NCOR2: variants seen among roughly 807,000 people sequenced by gnomAD.
NCOR2 encodes the protein nuclear receptor corepressor 2, also known as CTG repeat protein 26.
Under a neutral mutation model 262.9 loss-of-function variants are expected in NCOR2, and 81 were observed. That is an observed-to-expected ratio of 0.31 (90% CI 0.26 to 0.37). The LOEUF (loss-of-function observed/expected upper bound fraction) is 0.37, where lower values mean the gene tolerates loss of function less well. Ranked by LOEUF, NCOR2 falls within the 10% of genes least tolerant of loss-of-function variation. NCOR2 has a pLI of 1.00. For synonymous variants in NCOR2, 1,659 were observed against 1,559.3 expected (o/e 1.06, Z -1.51); for missense variants, 3,385 against 3,621.4 (o/e 0.93, Z 1.68).
chr12:124,350,549 TC>T lies in NCOR2; in HGVS notation c.3844+37del, dbSNP rs2037364012. 2.5e-6 allele frequency: 4 copies of T among 1,596,576 alleles called. No individual in the cohort carries two copies. In the East Asian group the frequency reaches 9.0e-5, roughly 36 times the overall value. On this transcript the variant is annotated intron_variant, in intron 28 of 46. Transcript: ENST00000405201. ...TACCTCAGTGGGCCAAGCACACTCC[TC>T]CCCTGGTCCTGGGCCTCCTCTCCTC... is the stretch of plus-strand genomic sequence containing the variant.
At chr12:124,448,060 A>G (rs2045292581) in intron 7 of NCOR2, among the ~76,000 whole-genome samples, 1 of 152,216 alleles carries the variant, frequency 6.6e-6, no homozygotes. Flanking sequence ...AATCTTGATG[A>G]GGGATGAGGC....
At chr12:124,558,665 T>TG (rs2051965735) in intron 1 of NCOR2, among the ~76,000 whole-genome samples, 1 of 152,146 alleles carries the variant, frequency 6.6e-6, no homozygotes, top group Non-Finnish European at 1.5e-5. Context: ...GAGGTCCCTT[T>TG]GGGACATCCC....
chr12:124,334,512 G>A (rs772193263), exon 41 of NCOR2: 1 of 1,441,742 alleles, frequency 6.9e-7, no homozygotes. Flanking sequence ...GGGCGGCGGA[G>A]GTCCAGGACG....
intron 1 of NCOR2, among the ~76,000 whole-genome samples, chr12:124,550,296 G>A (rs2051675458): frequency 6.6e-6 from 1 of 152,206 alleles, no homozygotes; most frequent in Admixed American, 6.5e-5. Flanking sequence ...AGGTCACAGG[G>A]CTCAGAGAGG....
At chr12:124,359,573 C>A (rs2038347475) in intron 22 of NCOR2, among the ~76,000 whole-genome samples, 1 of 152,226 alleles carries the variant, frequency 6.6e-6, no homozygotes, top group Non-Finnish European at 1.5e-5. Flanking sequence ...ACAGGGCCTG[C>A]CTCACATCTG....
chr12:124,390,733 G>A (rs11057609), intron 16 of NCOR2, among the ~76,000 whole-genome samples: 15,678 of 152,272 alleles, frequency 0.1, 965 homozygotes, highest in South Asian at 0.15. Context: ...CCAGGCACAC[G>A]CCCCCAACAC....
At chr12:124,428,777 T>C (rs2043740456) in intron 10 of NCOR2, among the ~76,000 whole-genome samples, 2 of 152,224 alleles carry the variant, frequency 1.3e-5, no homozygotes, top group Non-Finnish European at 2.9e-5. Flanking sequence ...GTGGCTCTGC[T>C]GTGCTGAGCT....
chr12:124,353,127 G>A (rs1010876216), intron 27 of NCOR2, among the ~76,000 whole-genome samples: 3 of 152,200 alleles, frequency 2.0e-5, no homozygotes, highest in Non-Finnish European at 4.4e-5. Flanking sequence ...TGGGAGGTTC[G>A]AGGAAGGGCG....
chr12:124,335,374 A>C (rs2035789601), intron 39 of NCOR2, 94 bp from the exon 42 acceptor site: 1 of 1,504,608 alleles, frequency 6.6e-7, no homozygotes, highest in Non-Finnish European at 8.9e-7. Flanking sequence ...CTCATGATCC[A>C]GCCAATTCCT....
intron 1 of NCOR2, among the ~76,000 whole-genome samples, chr12:124,488,827 C>T (rs565807488): frequency 7.2e-5 from 11 of 152,310 alleles, no homozygotes; most frequent in Admixed American, 1.3e-4. Context: ...AAGAGGGCCT[C>T]GGCCCGATAG....
exon 24 of NCOR2, chr12:124,355,513 G>C: frequency 6.2e-7 from 1 of 1,607,352 alleles, no homozygotes; most frequent in South Asian, 1.1e-5. Flanking sequence ...TGGAGATGGT[G>C]GGTGGGCGCG....
intron 1 of NCOR2, among the ~76,000 whole-genome samples, chr12:124,492,767 C>A (rs1048574579): frequency 2.0e-5 from 3 of 152,134 alleles, no homozygotes; most frequent in Non-Finnish European, 2.9e-5. Context: ...CTCCAGATCA[C>A]AGCCCCCAGC....
chr12:124,370,848 C>T (rs2039440402), intron 20 of NCOR2, among the ~76,000 whole-genome samples: 1 of 152,128 alleles, frequency 6.6e-6, no homozygotes, highest in South Asian at 2.1e-4. Context: ...TCCTCCAGGC[C>T]ACCCCAGCTG....
intron 16 of NCOR2, among the ~76,000 whole-genome samples, chr12:124,386,636 G>C (rs1227839503): frequency 6.6e-6 from 1 of 152,262 alleles, no homozygotes; most frequent in African/African-American, 2.4e-5. Flanking sequence ...TCCAGGAATC[G>C]GCAGAAAAAG....
upstream of NCOR2, among the ~76,000 whole-genome samples, chr12:124,499,878 T>A (rs1237934588): frequency 6.6e-6 from 1 of 151,688 alleles, no homozygotes; most frequent in Non-Finnish European, 1.5e-5. Context: ...CCTGCAAATG[T>A]CCAAGAGAGG....
rs885026 is a variant in NCOR2 at position 124,548,243 on chromosome 12, C to A, written c.-164-12632G>T. ...GGAACAGCATTCCAGGTGGGGGGAA[C>A]AACAAACGCGAAGGCCCAGAGGCAG... is the stretch of plus-strand genomic sequence containing the variant. On this transcript the variant is annotated intron_variant, in intron 1 of 32. Transcript: ENST00000458234. The surrounding 1 kb of genome is among the most constrained non-coding windows in gnomAD (Gnocchi z 5.1). Among the ~76,000 whole-genome samples the A allele has an allele frequency of 0.39, 59,836 of 152,058 alleles. 12,031 individuals are homozygous for A. The highest frequency in any genetic ancestry group is 0.47 in the Admixed American group (7,242 of 15,274).
intron 39 of NCOR2, 24 bp downstream of exon 41, chr12:124,335,459 G>A (rs568933208): frequency 1.3e-6 from 2 of 1,595,866 alleles, no homozygotes; most frequent in African/African-American, 1.3e-5. Flanking sequence ...GGCTTCGGGG[G>A]CCTGGGTACT....
At chr12:124,386,923 AG>A in intron 16 of NCOR2, among the ~76,000 whole-genome samples, 1 of 152,206 alleles carries the variant, frequency 6.6e-6, no homozygotes, top group Non-Finnish European at 1.5e-5. Flanking sequence ...CCACTTTCCC[AG>A]GGCTGTGGGA....
intron 15 of NCOR2, among the ~76,000 whole-genome samples, chr12:124,398,885 C>G (rs1227749695): frequency 6.6e-6 from 1 of 152,246 alleles, no homozygotes; most frequent in Non-Finnish European, 1.5e-5. Flanking sequence ...GGAAGGGACA[C>G]AACCTGGCCT....
Sources: allele counts gnomAD v4.1 joint callset (sites outside exome capture counted in the v4.1 genomes callset), GRCh38; gene constraint gnomAD v4.1.1; non-coding constraint Gnocchi (gnomAD v3.1); transcripts MANE v1.5; gene names NCBI Gene and HGNC (gene_info 2026-07-23, HGNC 2026-07-21).